CAPRIN2: variants seen among roughly 807,000 people sequenced by gnomAD.
The protein encoded by CAPRIN2 is caprin-2.
A neutral mutation model predicts 130.4 loss-of-function variants in CAPRIN2; 66 were observed. That is an observed-to-expected ratio of 0.51 (90% CI 0.42 to 0.62). The LOEUF (loss-of-function observed/expected upper bound fraction) is 0.62, where lower values mean the gene tolerates loss of function less well. CAPRIN2 is among the 20% of genes least tolerant of loss of function. CAPRIN2 has a pLI of 0.00. For missense variants in CAPRIN2, 1,185 were observed against 1,246.6 expected, an observed-to-expected ratio of 0.95 and a Z score of 0.74; for synonymous variants, 471 against 444.1, an observed-to-expected ratio of 1.06 and a Z score of -0.76.
At chr12:30,747,570 AG>A (rs1439408399) in intron 2 of CAPRIN2, among the ~76,000 whole-genome samples, 2 of 151,916 alleles carry the variant, frequency 1.3e-5, no homozygotes. Context: ...CTAGCTACTC[AG>A]GAGGCTGAGG....
chr12:30,746,803 A>G (rs1751707876), intron 2 of CAPRIN2, among the ~76,000 whole-genome samples: 1 of 152,200 alleles, frequency 6.6e-6, no homozygotes, highest in South Asian at 2.1e-4. Flanking sequence ...CCATCACATA[A>G]AAGTACAAGA....
At chr12:30,719,055 T>A (rs755452301) in intron 12 of CAPRIN2, 24 bp downstream of exon 14, 1 of 1,604,982 alleles carries the variant, frequency 6.2e-7, no homozygotes, top group African/African-American at 1.3e-5. Context: ...TGAACTGCAA[T>A]CATCATTCAT....
At chr12:30,739,896 A>G (rs2066624989) in intron 3 of CAPRIN2, among the ~76,000 whole-genome samples, 1 of 152,220 alleles carries the variant, frequency 6.6e-6, no homozygotes, top group African/African-American at 2.4e-5. Context: ...AAAGAATACC[A>G]TATATTAGAA....
At chr12:30,735,228 T>G (rs750157447) in intron 3 of CAPRIN2, 22 bp from the exon 5 acceptor site, 3 of 1,561,532 alleles carry the variant, frequency 1.9e-6, no homozygotes, top group Non-Finnish European at 2.6e-6. Flanking sequence ...AATGGCTAAT[T>G]AAGGGTAACA....
exon 10 of CAPRIN2, chr12:30,724,451 C>T: frequency 2.5e-6 from 4 of 1,598,788 alleles, no homozygotes; most frequent in Non-Finnish European, 3.4e-6. Context: ...AGAACAGACT[C>T]CTAAAGATAT....
intron 4 of CAPRIN2, among the ~76,000 whole-genome samples, chr12:30,734,615 A>AT (rs1171920636): frequency 6.6e-6 from 1 of 152,166 alleles, no homozygotes; most frequent in African/African-American, 2.4e-5. Flanking sequence ...CTCTGAGAAA[A>AT]TTACTTTAAA....
intron 10 of CAPRIN2, 64 bp from the exon 12 acceptor site, chr12:30,723,378 G>C: frequency 8.7e-7 from 1 of 1,148,794 alleles, no homozygotes; most frequent in African/African-American, 1.5e-5. Context: ...TATCAACTAG[G>C]AGGAAACTAA....
rs140607840 is a variant in CAPRIN2 at position 30,734,504 on chromosome 12, T to C, written c.809+464A>G. On this transcript the variant is annotated intron_variant, in intron 4 of 16. Coordinates refer to ENST00000298892, the Ensembl canonical transcript of CAPRIN2. ...TATTTATCACTAGTTATTCACAGCA[T>C]AATAAGAACACCAAATAATTGTTAC... Among the ~76,000 whole-genome samples, 16 of 152,266 alleles carry C rather than the reference T, an allele frequency of 1.1e-4. No individual in the cohort carries two copies. In the East Asian group the frequency reaches 2.7e-3, roughly 26 times the overall value.
chr12:30,714,475 A>G (rs899667978), intron 14 of CAPRIN2, among the ~76,000 whole-genome samples: 3 of 152,078 alleles, frequency 2.0e-5, no homozygotes, highest in Non-Finnish European at 4.4e-5. Context: ...CAGCCACCAC[A>G]CCCAGCCTGT....
intron 15 of CAPRIN2, among the ~76,000 whole-genome samples, chr12:30,712,616 A>C (rs889981207): frequency 6.6e-6 from 1 of 152,188 alleles, no homozygotes; most frequent in South Asian, 2.1e-4. Context: ...TGAAAAACTA[A>C]CAGATGAGGA....
At chr12:30,733,579 GACATA>G in intron 5 of CAPRIN2, 45 bp downstream of exon 6, 3 of 1,245,318 alleles carry the variant, frequency 2.4e-6, no homozygotes, top group South Asian at 1.2e-5. Flanking sequence ...TAAACTTCTA[GACATA>G]AAGTTTAGTA....
At chr12:30,728,309 C>T in intron 8 of CAPRIN2, 1 of 197,208 alleles carries the variant, frequency 5.1e-6, no homozygotes, top group South Asian at 1.1e-4. Flanking sequence ...AATCTCAGCA[C>T]TTTGGGAGGC....
intron 2 of CAPRIN2, among the ~76,000 whole-genome samples, chr12:30,745,878 T>G (rs949678818): frequency 1.4e-4 from 21 of 152,168 alleles, no homozygotes; most frequent in Non-Finnish European, 1.2e-4. Flanking sequence ...TATTAAAATT[T>G]TATTAAAAAC....
At chr12:30,729,081 C>T (rs780218492) in exon 8 of CAPRIN2, 2 of 1,614,108 alleles carry the variant, frequency 1.2e-6, no homozygotes, top group East Asian at 4.5e-5. Context: ...CAGAGTAGAC[C>T]TGAGTTTTGA....
exon 8 of CAPRIN2, chr12:30,729,146 C>G: frequency 2.5e-6 from 4 of 1,613,954 alleles, no homozygotes; most frequent in Non-Finnish European, 3.4e-6. Context: ...CCTCCTGGTG[C>G]TTACCAGAAG....
chr12:30,723,346 A>C (rs767405989), intron 10 of CAPRIN2, 32 bp from the exon 12 acceptor site: 1 of 1,509,922 alleles, frequency 6.6e-7, no homozygotes, highest in Non-Finnish European at 9.2e-7. Context: ...GTAACTACTG[A>C]GGGAAGACAA....
At chr12:30,712,987 C>T (rs915100465) in intron 15 of CAPRIN2, among the ~76,000 whole-genome samples, 1 of 152,186 alleles carries the variant, frequency 6.6e-6, no homozygotes, top group African/African-American at 2.4e-5. Flanking sequence ...AGTGATCCAC[C>T]TGCCTCAGCC....
intron 7 of CAPRIN2, among the ~76,000 whole-genome samples, chr12:30,729,883 TTC>T (rs150838331): frequency 0.012 from 1,801 of 152,272 alleles, 26 homozygotes; most frequent in African/African-American, 0.04. Context: ...TGTGAGTAAA[TTC>T]TGGAGAGAGC....
At chr12:30,739,965 A>C (rs923937857) in intron 3 of CAPRIN2, among the ~76,000 whole-genome samples, 3 of 152,236 alleles carry the variant, frequency 2.0e-5, no homozygotes, top group East Asian at 1.9e-4. Context: ...TAAAGACAGA[A>C]GACAGAAAAT....
Sources: gnomAD v4.1 joint callset for allele counts (sites outside exome capture counted in the v4.1 genomes callset) on GRCh38, gnomAD v4.1.1 for gene constraint, MANE v1.5 for transcripts, NCBI Gene and HGNC (gene_info 2026-07-23, HGNC 2026-07-21) for gene names.